The following UBR1 variants were observed in gnomAD, a reference collection of about 807,000 sequenced individuals.
UBR1 encodes E3 ubiquitin-protein ligase UBR1.
In UBR1, 102 loss-of-function variants were observed where a neutral mutation model predicts 242.1. The observed-to-expected ratio is 0.42, with a 90% confidence interval of 0.36 to 0.50. The LOEUF (loss-of-function observed/expected upper bound fraction) is 0.50. Among genes scored for constraint, UBR1 ranks in the 20% least tolerant of loss-of-function variants. UBR1 has a pLI of 0.01. For synonymous variants in UBR1, 675 were observed against 684.8 expected (o/e 0.99, Z 0.22); for missense variants, 1,772 against 2,101.8 (o/e 0.84, Z 3.07).
intron 14 of UBR1, among the ~76,000 whole-genome samples, chr15:43,044,676 A>C (rs537193110): frequency 3.9e-5 from 6 of 152,246 alleles, no homozygotes; most frequent in African/African-American, 1.4e-4. Flanking sequence ...GCAGATCACG[A>C]GGTCAGGAGT....
chr15:43,084,677 A>G (rs1249515770), intron 2 of UBR1, among the ~76,000 whole-genome samples: 1 of 151,706 alleles, frequency 6.6e-6, no homozygotes, highest in East Asian at 1.9e-4. Flanking sequence ...CTGGTCTTGA[A>G]CTCCTGACCT....
intron 15 of UBR1, among the ~76,000 whole-genome samples, chr15:43,040,153 C>T (rs1221579455): frequency 6.6e-6 from 1 of 152,082 alleles, no homozygotes. Context: ...CAATCCTAAG[C>T]CAAAAGAACA....
intron 3 of UBR1, among the ~76,000 whole-genome samples, chr15:43,082,224 G>T (rs1249447532): frequency 3.3e-5 from 5 of 151,614 alleles, no homozygotes; most frequent in African/African-American, 1.2e-4. Context: ...TCGTTTCTAT[G>T]TATGTATTTT....
intron 3 of UBR1, among the ~76,000 whole-genome samples, chr15:43,076,323 C>T (rs947978705): frequency 3.3e-5 from 5 of 152,192 alleles, no homozygotes; most frequent in African/African-American, 9.6e-5. Flanking sequence ...GTGATCTCAG[C>T]TCGCTACAAC....
At chr15:42,980,187 C>T (rs1265411268) in intron 37 of UBR1, among the ~76,000 whole-genome samples, 1 of 152,154 alleles carries the variant, frequency 6.6e-6, no homozygotes, top group East Asian at 1.9e-4. Flanking sequence ...CTCTTTGTGT[C>T]ATCAAATTTT....
rs74356098 is a variant in UBR1, at chr15:42,992,276, G to C, written c.3758-2156C>G. On this transcript the variant is annotated intron_variant, in intron 33 of 46. Coordinates refer to ENST00000290650, the MANE Select transcript of UBR1 (RefSeq NM_174916.3). ...TTAAAACATCTCAGGATTGGCATTT[G>C]GTTGTTTTTCCCTTGAGAATCGGTC... 5.3e-3 allele frequency among the ~76,000 whole-genome samples: 814 copies of C among 152,160 alleles called. 9 individuals are homozygous for C. Among genetic ancestry groups the C allele is most frequent in the African/African-American group, 0.019 (781 of 41,516 alleles).
chr15:43,026,744 T>C, intron 22 of UBR1, 81 bp from the exon 23 acceptor site: 1 of 1,248,382 alleles, frequency 8.0e-7, no homozygotes, highest in Non-Finnish European at 1.2e-6. Flanking sequence ...TAAAAATTAA[T>C]CTAGAAGTCA....
intron 37 of UBR1, among the ~76,000 whole-genome samples, chr15:42,982,381 T>C (rs1171262573): frequency 6.6e-6 from 1 of 152,042 alleles, no homozygotes; most frequent in Non-Finnish European, 1.5e-5. Context: ...GCATGTGACA[T>C]ATGGAAGGTT....
intron 37 of UBR1, among the ~76,000 whole-genome samples, chr15:42,982,771 A>C (rs1371918065): frequency 6.6e-6 from 1 of 152,222 alleles, no homozygotes; most frequent in South Asian, 2.1e-4. Context: ...CTACAAGAAA[A>C]TTATGCCTGG....
At chr15:43,015,662 G>T (rs374161185) in intron 29 of UBR1, 26 bp downstream of exon 29, 2 of 1,610,724 alleles carry the variant, frequency 1.2e-6, no homozygotes, top group African/African-American at 2.7e-5. Context: ...AATTGAGTTG[G>T]TAATTTTTGG....
At chr15:43,017,636 C>A (rs1019463382) in intron 27 of UBR1, among the ~76,000 whole-genome samples, 2 of 151,990 alleles carry the variant, frequency 1.3e-5, no homozygotes, top group East Asian at 1.9e-4. Context: ...ATAGCAAAAT[C>A]CTGTCTTTAC....
intron 27 of UBR1, among the ~76,000 whole-genome samples, chr15:43,019,790 G>C (rs1402141050): frequency 6.9e-6 from 1 of 145,456 alleles, no homozygotes; most frequent in Non-Finnish European, 1.5e-5. Flanking sequence ...ATTTTTAGTA[G>C]AGACAGGGTT....
intron 32 of UBR1, among the ~76,000 whole-genome samples, chr15:42,999,043 C>T (rs1402686713): frequency 6.7e-5 from 10 of 150,364 alleles, no homozygotes; most frequent in African/African-American, 2.4e-4. Flanking sequence ...TGGGTTCAAG[C>T]GATTCTCCTG....
At chr15:42,949,567 G>A (rs1485636185) in intron 46 of UBR1, among the ~76,000 whole-genome samples, 1 of 150,266 alleles carries the variant, frequency 6.7e-6, no homozygotes, top group Non-Finnish European at 1.5e-5. Flanking sequence ...GGGAGGCTGA[G>A]GTGGGTAGAT....
At chr15:43,087,163 T>C (rs1238938736) in intron 1 of UBR1, among the ~76,000 whole-genome samples, 1 of 152,166 alleles carries the variant, frequency 6.6e-6, no homozygotes, top group Non-Finnish European at 1.5e-5. Flanking sequence ...CCCAGCACTT[T>C]GGGAGGCCGA....
At position 43,054,856 on chromosome 15, in the gene UBR1, G is replaced by A. The variant is rs918826999; in HGVS notation, c.1325C>T (p.Thr442Ile). Residue 442 changes from threonine (T) to isoleucine (I), a missense_variant, in exon 12 of 47, where the codon ACT (threonine) becomes ATT (isoleucine). Physicochemically the swap from Thr to Ile is moderately conservative, Grantham distance 89. Around this residue, in one of 3 missense-constraint regions of UBR1, gnomAD observed 734 missense variants for 893.3 expected, o/e 0.82. Coordinates refer to ENST00000290650, the MANE Select transcript of UBR1 (RefSeq NM_174916.3). ...IEEQNVISVI[T>I]ETLLEVLPEY... Reference sequence around the variant, plus strand: ...AGGTAAAACTTCTAGCAGAGTTTCAGTAATGACAGAGATAACATTCTGCTC... The same window carrying A: ...AGGTAAAACTTCTAGCAGAGTTTCAATAATGACAGAGATAACATTCTGCTC... 6.2e-7 allele frequency: 1 copy of A among 1,614,124 alleles called. No individual in the cohort carries two copies. The highest frequency in any genetic ancestry group is 8.5e-7 in the Non-Finnish European group (1 of 1,180,016).
chr15:43,085,265 A>G (rs1328606731), intron 2 of UBR1, among the ~76,000 whole-genome samples: 5 of 152,262 alleles, frequency 3.3e-5, no homozygotes, highest in South Asian at 4.1e-4. Context: ...GATTTCTTAA[A>G]GAAAGATTGT....
At chr15:43,015,096 G>A (rs2032999014) in intron 29 of UBR1, among the ~76,000 whole-genome samples, 1 of 152,008 alleles carries the variant, frequency 6.6e-6, no homozygotes, top group South Asian at 2.1e-4. Flanking sequence ...CCCCTACTGG[G>A]AAGTGAGGAG....
intron 46 of UBR1, among the ~76,000 whole-genome samples, 197 bp from the exon 47 acceptor site, chr15:42,945,667 A>G (rs2031721883): frequency 6.6e-6 from 1 of 152,200 alleles, no homozygotes; most frequent in Non-Finnish European, 1.5e-5. Context: ...TAAAGCAGAA[A>G]TGTACTCCTT....
Sources: allele counts gnomAD v4.1 joint callset (sites outside exome capture counted in the v4.1 genomes callset), GRCh38; gene constraint gnomAD v4.1.1; regional missense constraint gnomAD v4.1.1; transcripts MANE v1.5; gene names NCBI Gene and HGNC (gene_info 2026-07-23, HGNC 2026-07-21).